Variants in ATXN1 observed in about 807,000 individuals in gnomAD.
ATXN1 encodes the protein ataxin-1.
In ATXN1, 8 loss-of-function variants were observed where a neutral mutation model predicts 56.4. The ratio of observed to expected loss-of-function variants is 0.14; its 90% CI spans 0.08 to 0.26. ATXN1 has a LOEUF of 0.26. Among genes scored for constraint, ATXN1 ranks in the 10% least tolerant of loss-of-function variants. The pLI, the probability that ATXN1 is intolerant of heterozygous loss-of-function variation, is 1.00. For synonymous variants in ATXN1, 514 were observed against 494.6 expected, an observed-to-expected ratio of 1.04 and a Z score of -0.52; for missense variants, 987 against 1,106.5, an observed-to-expected ratio of 0.89 and a Z score of 1.53.
intron 2 of ATXN1, among the ~76,000 whole-genome samples, chr6:16,664,404 G>A (rs1259683936): frequency 6.6e-6 from 1 of 152,078 alleles, no homozygotes; most frequent in Non-Finnish European, 1.5e-5. Flanking sequence ...CGGAAAGAGG[G>A]CAGCCCATAT....
rs114159445 is a variant in ATXN1, at chr6:16,402,115, C to T, written c.-160-73645G>A. Among the ~76,000 whole-genome samples the T allele has an allele frequency of 6.4e-3, 969 of 152,162 alleles. 7 individuals are homozygous for T. The highest frequency in any genetic ancestry group is 0.022 in the African/African-American group (894 of 41,504). ...AAGACCTGCCCCCCATGATTCAATA[C>T]CTCCCACCAGGTCCCTCCCACACAC... On this transcript the variant is annotated intron_variant, in intron 6 of 7. Coordinates refer to ENST00000436367, the MANE Select transcript of ATXN1 (RefSeq NM_001128164.2).
intron 2 of ATXN1, among the ~76,000 whole-genome samples, chr6:16,667,780 C>G (rs945245092): frequency 1.3e-5 from 2 of 152,174 alleles, no homozygotes; most frequent in Non-Finnish European, 2.9e-5. Context: ...ACCTCTGTCC[C>G]CTTTGCTTAT....
chr6:16,332,452 GCT>G (rs1451495487), intron 6 of ATXN1, among the ~76,000 whole-genome samples: 1 of 152,336 alleles, frequency 6.6e-6, no homozygotes, highest in East Asian at 1.9e-4. Context: ...TGGGATTTCT[GCT>G]CTTAGAGTCT....
intron 3 of ATXN1, among the ~76,000 whole-genome samples, chr6:16,642,423 C>A (rs546152602): frequency 3.9e-5 from 6 of 152,156 alleles, no homozygotes; most frequent in South Asian, 2.1e-4. Flanking sequence ...AACAAAAAAA[C>A]CAGTGGTTTC....
chr6:16,592,637 A>T (rs936455342), intron 3 of ATXN1, among the ~76,000 whole-genome samples: 27 of 152,036 alleles, frequency 1.8e-4, no homozygotes, highest in African/African-American at 6.3e-4. Flanking sequence ...TACAGAAAGC[A>T]CCCACGTCTC....
rs187864978 is a variant in ATXN1 at position 16,317,514 on chromosome 6, G to A, written c.1917+8880C>T. 6.6e-5 allele frequency among the ~76,000 whole-genome samples: 10 copies of A among 152,098 alleles called. No individual in the cohort carries two copies. The East Asian group carries it at 1.2e-3, about 18-fold the overall frequency. On this transcript the variant is annotated intron_variant, in intron 7 of 7. Transcript: ENST00000436367. ...TAATTTTTTTGTATTTAGTAGAGAC[G>A]GGTTTTCACCATGTTAGTCAGGCTG...
intron 5 of ATXN1, among the ~76,000 whole-genome samples, chr6:16,511,441 C>T (rs1000888569): frequency 4.6e-5 from 7 of 152,168 alleles, no homozygotes; most frequent in African/African-American, 1.4e-4. Flanking sequence ...TGTTTTAACA[C>T]AATAGACATT....
At chr6:16,521,292 G>C (rs1036889216) in intron 5 of ATXN1, among the ~76,000 whole-genome samples, 6 of 152,174 alleles carry the variant, frequency 3.9e-5, no homozygotes, top group Non-Finnish European at 5.9e-5. Flanking sequence ...GGCCGGGCGC[G>C]GTGGCTCACG....
At chr6:16,472,964 T>C (rs1041274710) in intron 6 of ATXN1, among the ~76,000 whole-genome samples, 1 of 152,130 alleles carries the variant, frequency 6.6e-6, no homozygotes, top group African/African-American at 2.4e-5. Flanking sequence ...CCTGGAAGAT[T>C]AGGTCCTGGG....
intron 7 of ATXN1, among the ~76,000 whole-genome samples, chr6:16,314,853 T>G (rs569861169): frequency 3.3e-5 from 5 of 152,116 alleles, no homozygotes; most frequent in Non-Finnish European, 7.4e-5. Flanking sequence ...TCAAGTGATC[T>G]GCCTGCCTTG....
At chr6:16,466,317 CAAAAAAAAAAAAA>C (rs200261208) in intron 6 of ATXN1, among the ~76,000 whole-genome samples, 28 of 79,866 alleles carry the variant, frequency 3.5e-4, no homozygotes, top group African/African-American at 1.0e-3. Flanking sequence ...GACCCCATCT[CAAAAAAAAAAAAA>C]AAAAAAAAAA....
intron 4 of ATXN1, among the ~76,000 whole-genome samples, chr6:16,546,970 G>A (rs902273446): frequency 5.3e-5 from 8 of 152,176 alleles, no homozygotes; most frequent in African/African-American, 1.9e-4. Context: ...CATTTCCCAA[G>A]GAGGAAAAAG....
intron 3 of ATXN1, among the ~76,000 whole-genome samples, chr6:16,595,520 G>A (rs1254968505): frequency 2.0e-5 from 3 of 152,250 alleles, no homozygotes; most frequent in East Asian, 3.8e-4. Context: ...CACAGCTGAC[G>A]CTGAAGTTAA....
chr6:16,336,231 T>C (rs1761119859), intron 6 of ATXN1, among the ~76,000 whole-genome samples: 1 of 152,218 alleles, frequency 6.6e-6, no homozygotes, highest in African/African-American at 2.4e-5. Context: ...TTTCTTAGTC[T>C]ACCCAACCAT....
chr6:16,448,702 C>T (rs1759683590), intron 6 of ATXN1, among the ~76,000 whole-genome samples: 1 of 152,196 alleles, frequency 6.6e-6, no homozygotes, highest in African/African-American at 2.4e-5. Flanking sequence ...TTATACCACC[C>T]TGTGCAACAA....
chr6:16,459,502 T>C (rs1163759798), intron 6 of ATXN1, among the ~76,000 whole-genome samples: 2 of 152,204 alleles, frequency 1.3e-5, no homozygotes, highest in South Asian at 2.1e-4. Context: ...TGCAAGATCC[T>C]AGACTCATCA....
chr6:16,467,854 A>G (rs1030714789), intron 6 of ATXN1, among the ~76,000 whole-genome samples: 1 of 152,214 alleles, frequency 6.6e-6, no homozygotes, highest in African/African-American at 2.4e-5. Context: ...AAAAAGCTGA[A>G]CCACTGCCTA....
At chr6:16,616,913 A>T (rs987434815) in intron 3 of ATXN1, among the ~76,000 whole-genome samples, 4 of 151,566 alleles carry the variant, frequency 2.6e-5, no homozygotes. Context: ...ACTGAGAGAG[A>T]TCACATCCAC....
chr6:16,587,412 C>A (rs1286765319), intron 3 of ATXN1, among the ~76,000 whole-genome samples: 2 of 152,188 alleles, frequency 1.3e-5, no homozygotes, highest in Non-Finnish European at 2.9e-5. Context: ...AACATGTTTA[C>A]CTGTTCACAA....
Sources: gnomAD v4.1 joint callset for allele counts (sites outside exome capture counted in the v4.1 genomes callset) on GRCh38, gnomAD v4.1.1 for gene constraint, MANE v1.5 for transcripts, NCBI Gene and HGNC (gene_info 2026-07-23, HGNC 2026-07-21) for gene names.